Variants in C12orf42 observed in about 807,000 individuals in gnomAD.
The protein encoded by C12orf42 is uncharacterized protein C12orf42.
C12orf42 carries 25 observed loss-of-function variants against 21.6 expected under a neutral mutation model. The ratio of observed to expected loss-of-function variants is 1.16; its 90% CI spans 0.84 to 1.62. The LOEUF is 1.62. C12orf42 is among the 40% of genes most tolerant of loss of function. C12orf42 has a pLI of 0.00. For missense variants in C12orf42, 483 were observed against 459.3 expected, an observed-to-expected ratio of 1.05 and a Z score of -0.47; for synonymous variants, 174 against 175.0, an observed-to-expected ratio of 0.99 and a Z score of 0.05.
chr12:103,437,550 C>T (rs536267047), intron 2 of C12orf42, among the ~76,000 whole-genome samples: 54 of 152,104 alleles, frequency 3.6e-4, no homozygotes, highest in African/African-American at 1.3e-3. Context: ...CAAATAGACA[C>T]AATAAAAAAT....
the C12orf42 span, among the ~76,000 whole-genome samples, chr12:103,141,591 G>A: frequency 4.0e-5 from 6 of 151,074 alleles, no homozygotes; most frequent in South Asian, 6.3e-4. Context: ...GTGCAGTGGC[G>A]GGATCTCGGC....
chr12:103,214,293 C>T, the C12orf42 span, among the ~76,000 whole-genome samples: 42,289 of 152,068 alleles, frequency 0.28, 6,917 homozygotes, highest in Non-Finnish European at 0.37. Flanking sequence ...TCTGTAGTTT[C>T]TCCTTTTCTT....
chr12:103,498,697 G>T (rs1310903935), upstream of C12orf42, among the ~76,000 whole-genome samples: 1 of 152,148 alleles, frequency 6.6e-6, no homozygotes, highest in Non-Finnish European at 1.5e-5. Flanking sequence ...GCCATAAAAA[G>T]GAACAAGATC....
chr12:103,473,517 C>T (rs1276555445), intron 2 of C12orf42, among the ~76,000 whole-genome samples: 1 of 152,240 alleles, frequency 6.6e-6, no homozygotes, highest in Non-Finnish European at 1.5e-5. Flanking sequence ...GCCAGTCTCA[C>T]TCCATACAGT....
At chr12:103,550,454 G>T in the C12orf42 span, 1 of 151,116 alleles carries the variant, frequency 6.6e-6, no homozygotes, top group African/African-American at 2.4e-5. Context: ...TCTCTTTTTT[G>T]CTATTAGGAA....
At chr12:103,106,618 G>A in the C12orf42 span, among the ~76,000 whole-genome samples, 7 of 151,578 alleles carry the variant, frequency 4.6e-5, no homozygotes, top group African/African-American at 1.7e-4. Flanking sequence ...AAAATTATGG[G>A]TACCCAGTAA....
At chr12:103,093,790 A>G in the C12orf42 span, among the ~76,000 whole-genome samples, 14 of 152,206 alleles carry the variant, frequency 9.2e-5, no homozygotes, top group Non-Finnish European at 1.5e-4. Flanking sequence ...ATGGTTCTTC[A>G]TGGTAGCATC....
chr12:103,406,120 A>G (rs2048410382), intron 2 of C12orf42, among the ~76,000 whole-genome samples: 1 of 152,192 alleles, frequency 6.6e-6, no homozygotes, highest in East Asian at 1.9e-4. Context: ...ATATCAATAA[A>G]TTCAGGGAAT....
chr12:103,439,251 A>G (rs1014063963), intron 2 of C12orf42, among the ~76,000 whole-genome samples: 1 of 151,890 alleles, frequency 6.6e-6, no homozygotes, highest in African/African-American at 2.4e-5. Flanking sequence ...TTATACAAAA[A>G]TCAATTCAAG....
At chr12:103,557,251 A>T in the C12orf42 span, among the ~76,000 whole-genome samples, 1 of 152,228 alleles carries the variant, frequency 6.6e-6, no homozygotes, top group African/African-American at 2.4e-5. Flanking sequence ...TTTAGAAACC[A>T]CAGAAAATAT....
Position 103,478,446 on chromosome 12 carries a change from C to T in C12orf42, c.-20G>A, listed in dbSNP as rs748574947. 6.9e-7 allele frequency: 1 copy of T among 1,440,372 alleles called. No homozygotes were observed. Among genetic ancestry groups the T allele is most frequent in the Non-Finnish European group, 9.5e-7 (1 of 1,049,990 alleles). 89.2% of individuals were successfully genotyped at this position (1,440,372 alleles called of 1,614,324 possible). On this transcript the variant is annotated splice_region_variant and 5_prime_UTR_variant, in exon 2 of 6. Transcript: ENST00000548883. ...AGACATTAATTTGACAAGTTCAACT[C>T]CCTATAAACAAAGAATGGAGAAAGA...
chr12:103,204,922 G>A, the C12orf42 span, among the ~76,000 whole-genome samples: 1 of 151,678 alleles, frequency 6.6e-6, no homozygotes, highest in South Asian at 2.1e-4. Flanking sequence ...AATTCACTAG[G>A]AAAAAGAGAA....
At chr12:103,529,968 T>G in the C12orf42 span, among the ~76,000 whole-genome samples, 1 of 152,060 alleles carries the variant, frequency 6.6e-6, no homozygotes, top group African/African-American at 2.4e-5. Context: ...GGCTTAGGAG[T>G]GTATTTCTTA....
chr12:103,313,517 C>T (rs1213293830), intron 4 of C12orf42, among the ~76,000 whole-genome samples: 1 of 152,204 alleles, frequency 6.6e-6, no homozygotes, highest in Non-Finnish European at 1.5e-5. Flanking sequence ...GCTGTGTTAC[C>T]TGTTACCTAG....
the C12orf42 span, among the ~76,000 whole-genome samples, chr12:103,050,111 A>G: frequency 6.6e-6 from 1 of 152,156 alleles, no homozygotes; most frequent in Non-Finnish European, 1.5e-5. Context: ...AGAGTAGCCC[A>G]TCAGTGAAAC....
At chr12:103,443,890 C>T (rs1026621613) in intron 2 of C12orf42, among the ~76,000 whole-genome samples, 3 of 152,026 alleles carry the variant, frequency 2.0e-5, no homozygotes, top group African/African-American at 7.2e-5. Context: ...ACTAAGTCCT[C>T]GAAACGTAAA....
chr12:103,113,651 C>G, the C12orf42 span, among the ~76,000 whole-genome samples: 3 of 152,148 alleles, frequency 2.0e-5, no homozygotes, highest in East Asian at 5.8e-4. Context: ...AACCTCCTGA[C>G]CCCACCAACA....
chr12:103,276,128 T>C (rs778318509), intron 5 of C12orf42, among the ~76,000 whole-genome samples: 4 of 152,156 alleles, frequency 2.6e-5, no homozygotes, highest in Non-Finnish European at 5.9e-5. Flanking sequence ...AAAAATTGCA[T>C]AGTCACCTTA....
the C12orf42 span, among the ~76,000 whole-genome samples, chr12:103,090,310 C>T: frequency 1.8e-3 from 269 of 152,110 alleles, 1 homozygote; most frequent in African/African-American, 5.9e-3. Context: ...GGATGGGATT[C>T]GGGATGAGGC....
Sources: allele counts gnomAD v4.1 joint callset (sites outside exome capture counted in the v4.1 genomes callset), GRCh38; gene constraint gnomAD v4.1.1; transcripts MANE v1.5; gene names NCBI Gene and HGNC (gene_info 2026-07-23, HGNC 2026-07-21).